Variants in SMAD2 observed in about 807,000 individuals in gnomAD.
SMAD2 encodes the protein SMAD family member 2.
In SMAD2, 8 loss-of-function variants were observed where a neutral mutation model predicts 64.4. That is an observed-to-expected ratio of 0.12 (90% CI 0.07 to 0.22). The LOEUF is 0.22. Among genes scored for constraint, SMAD2 ranks in the 10% least tolerant of loss-of-function variants. The pLI, the probability that SMAD2 is intolerant of heterozygous loss-of-function variation, is 1.00. For synonymous variants in SMAD2, 203 were observed against 195.8 expected (o/e 1.04, Z -0.31); for missense variants, 289 against 561.2 (o/e 0.51, Z 4.90).
In SMAD2 at chr18:47,823,049, G is replaced by C. The variant is rs964959158; in HGVS notation, c.*18778C>G. 6.6e-6 allele frequency: 1 copy of C among 152,096 alleles called. No homozygotes were observed. Among genetic ancestry groups the C allele is most frequent in the Non-Finnish European group, 1.5e-5 (1 of 68,022 alleles). 9.4% of individuals were successfully genotyped at this position (152,096 alleles called of 1,614,324 possible). On this transcript the variant is annotated 3_prime_UTR_variant, in exon 11 of 11. Transcript: ENST00000262160. ...CTAAGTTCAATAAAAATCGGCTCTC[G>C]TTATAACAGGATACAATTGGAAACA...
Position 47,845,384 on chromosome 18 carries a change from G to A in SMAD2, c.1236C>T (p.Cys412=), listed in dbSNP as rs1598746349. Residue 412 remains cysteine (C), a synonymous_variant, in exon 10 of 11, where the codon TGC becomes TGT. Coordinates refer to ENST00000262160, the MANE Select transcript of SMAD2 (RefSeq NM_005901.6). ...FEAVYQLTRM[C]TIRMSFVKGW... The stretch of plus-strand genomic sequence containing the variant: ...CTTTCACAAAACTCATTCTTATGGT[G>A]CACATTCTAGTTAGCTGATAGACGG... 3.7e-6 allele frequency: 6 copies of A among 1,613,678 alleles called. No individual in the cohort carries two copies. The highest frequency in any genetic ancestry group is 1.1e-5 in the South Asian group (1 of 91,074).
intron 2 of SMAD2, among the ~76,000 whole-genome samples, chr18:47,878,818 C>T (rs567780246): frequency 6.6e-6 from 1 of 152,192 alleles, no homozygotes; most frequent in Admixed American, 6.5e-5. Context: ...AAGCACCCTA[C>T]ACATTGATCA....
In SMAD2 at chr18:47,814,362, A is replaced by T. The variant is rs193107667; in HGVS notation, c.*27465T>A. On this transcript the variant is annotated 3_prime_UTR_variant, in exon 11 of 11. Transcript: ENST00000262160. ...GATGATAAGTAGTCTTCAAAGTCAG[A>T]CTTTACTGAGAATGAGAAGGGAGTT... The T allele has an allele frequency of 1.1e-4, 16 of 152,282 alleles. No individual in the cohort carries two copies. The highest frequency in any genetic ancestry group is 3.8e-4 in the African/African-American group (16 of 41,564). The allele number at this position is 152,282 out of a possible 1,614,324, so 9.4% of individuals were successfully genotyped here.
At chr18:47,881,777 A>T (rs541797833) in intron 2 of SMAD2, among the ~76,000 whole-genome samples, 46 of 152,342 alleles carry the variant, frequency 3.0e-4, no homozygotes, top group South Asian at 6.2e-4. Context: ...GGGAATGCTT[A>T]TCATGAATGG....
In SMAD2 at chr18:47,870,685, T is replaced by G. The variant is rs889954147; in HGVS notation, c.237-121A>C. On this transcript the variant is annotated intron_variant, in intron 2 of 10. Coordinates refer to ENST00000262160, the MANE Select transcript of SMAD2 (RefSeq NM_005901.6). Reference sequence around the variant, plus strand: ...TTCCTTCACCCAGAAAATATACAATTGCTTCACTTTTTCACAGGCATGTAG... The same window carrying G: ...TTCCTTCACCCAGAAAATATACAATGGCTTCACTTTTTCACAGGCATGTAG... 6.5e-6 allele frequency: 5 copies of G among 768,744 alleles called. No homozygotes were observed. In the African/African-American group the frequency reaches 8.6e-5, roughly 13 times the overall value. The allele number at this position is 768,744 out of a possible 1,614,324, so 47.6% of individuals were successfully genotyped here. A position where few individuals can be genotyped will look rare whatever the true frequency, so the allele number is the denominator to read the frequency against.
intron 1 of SMAD2, among the ~76,000 whole-genome samples, chr18:47,909,899 A>C (rs368509661): frequency 1.3e-5 from 2 of 152,140 alleles, no homozygotes; most frequent in African/African-American, 2.4e-5. Context: ...ACATCTCTAA[A>C]TCAGGGAGTC....
intron 2 of SMAD2, among the ~76,000 whole-genome samples, chr18:47,884,302 A>C (rs2032769210): frequency 6.6e-6 from 1 of 151,864 alleles, no homozygotes; most frequent in South Asian, 2.1e-4. Context: ...TACACATATT[A>C]AACCGCTTAA....
rs1408567619 is a variant in SMAD2 at position 47,820,194 on chromosome 18, G to A, written c.*21633C>T. 1 of 151,706 alleles carries A rather than the reference G, an allele frequency of 6.6e-6. No homozygotes were observed. The highest frequency in any genetic ancestry group is 6.6e-5 in the Admixed American group (1 of 15,240). 9.4% of individuals were successfully genotyped at this position (151,706 alleles called of 1,614,324 possible). A position where few individuals can be genotyped will look rare whatever the true frequency, so the allele number is the denominator to read the frequency against. On this transcript the variant is annotated 3_prime_UTR_variant, in exon 11 of 11. Transcript: ENST00000262160. ...ATTATAGAAAGACTAAATATATTTG[G>A]GCCTATTAATATACAAAGTTATAAG...
At chr18:47,905,000 T>C (rs1393370724) in intron 1 of SMAD2, among the ~76,000 whole-genome samples, 1 of 152,158 alleles carries the variant, frequency 6.6e-6, no homozygotes, top group Admixed American at 6.5e-5. Context: ...CAGTAATGCA[T>C]TGGATATTGT....
intron 2 of SMAD2, among the ~76,000 whole-genome samples, chr18:47,875,298 TA>T (rs1468410604): frequency 3.3e-5 from 5 of 152,146 alleles, no homozygotes; most frequent in African/African-American, 1.2e-4. Context: ...AGATTCTGTC[TA>T]ACCACAATGT....
chr18:47,886,035 TAA>T (rs1409689800), intron 2 of SMAD2, among the ~76,000 whole-genome samples: 1 of 152,242 alleles, frequency 6.6e-6, no homozygotes, highest in Non-Finnish European at 1.5e-5. Context: ...CCATTTTATA[TAA>T]GAGACTTGAG....
chr18:47,847,929 G>A (rs1359959621), intron 8 of SMAD2, among the ~76,000 whole-genome samples: 1 of 152,162 alleles, frequency 6.6e-6, no homozygotes, highest in Non-Finnish European at 1.5e-5. Flanking sequence ...AGCTGAAAGG[G>A]TTTCTGGGAC....
rs188632488 is a variant in SMAD2 at position 47,832,424 on chromosome 18, G to C, written c.*9403C>G. On this transcript the variant is annotated 3_prime_UTR_variant, in exon 11 of 11. Transcript: ENST00000262160. ...TCTTGGGTTTCTTCCTAATAAAAAA[G>C]TGTTGATAAAACTACACCAGTCCCA... The C allele has an allele frequency of 6.6e-6, 1 of 152,256 alleles. No homozygotes were observed. The highest frequency in any genetic ancestry group is 6.5e-5 in the Admixed American group (1 of 15,288). The allele number at this position is 152,256 out of a possible 1,614,324, so 9.4% of individuals were successfully genotyped here. A position where few individuals can be genotyped will look rare whatever the true frequency, so the allele number is the denominator to read the frequency against.
At position 47,831,360 on chromosome 18, in the gene SMAD2, C is replaced by T. The variant is rs1042797518; in HGVS notation, c.*10467G>A. ...TCTCCAAATTGAATGTATTCTTCAA[C>T]CCTGGGCTTACTGTATTCTGCCCAT... On this transcript the variant is annotated 3_prime_UTR_variant, in exon 11 of 11. Transcript: ENST00000262160. 1 of 152,222 alleles carries T rather than the reference C, an allele frequency of 6.6e-6. No individual in the cohort carries two copies. Among genetic ancestry groups the T allele is most frequent in the Non-Finnish European group, 1.5e-5 (1 of 68,048 alleles). 9.4% of individuals were successfully genotyped at this position (152,222 alleles called of 1,614,324 possible). A position where few individuals can be genotyped will look rare whatever the true frequency, so the allele number is the denominator to read the frequency against.
intron 6 of SMAD2, among the ~76,000 whole-genome samples, chr18:47,851,817 C>G (rs892671062): frequency 6.6e-6 from 1 of 152,146 alleles, no homozygotes; most frequent in South Asian, 2.1e-4. Flanking sequence ...CAATCTTTTG[C>G]TATAAGAACC....
intron 1 of SMAD2, among the ~76,000 whole-genome samples, chr18:47,915,758 C>A (rs12604337): frequency 0.56 from 84,491 of 151,676 alleles, 23,893 homozygotes; most frequent in East Asian, 0.8. Context: ...CCACAATCCC[C>A]AAAAAAACAA....
intron 1 of SMAD2, among the ~76,000 whole-genome samples, chr18:47,901,605 A>G (rs1043322228): frequency 6.6e-6 from 1 of 152,068 alleles, no homozygotes; most frequent in Admixed American, 6.6e-5. Context: ...GTTACCCTAG[A>G]TATTTTCTTA....
intron 6 of SMAD2, among the ~76,000 whole-genome samples, chr18:47,862,761 C>T (rs2031279383): frequency 6.6e-6 from 1 of 152,138 alleles, no homozygotes; most frequent in Non-Finnish European, 1.5e-5. Context: ...GTAGAAGATA[C>T]AAAACTGAAT....
Position 47,816,468 on chromosome 18 carries a change from T to C in SMAD2, c.*25359A>G, listed in dbSNP as rs1181010017. 6.6e-6 allele frequency: 1 copy of C among 152,238 alleles called. No homozygotes were observed. Among genetic ancestry groups the C allele is most frequent in the Non-Finnish European group, 1.5e-5 (1 of 68,042 alleles). 9.4% of individuals were successfully genotyped at this position (152,238 alleles called of 1,614,324 possible). ...AATAACACATATTTTAATGTAATATTGCTGACTAATTTGGCACATTTAATA... is the reference window on the plus strand; with the variant it reads ...AATAACACATATTTTAATGTAATATCGCTGACTAATTTGGCACATTTAATA... On this transcript the variant is annotated 3_prime_UTR_variant, in exon 11 of 11. Coordinates refer to ENST00000262160, the MANE Select transcript of SMAD2 (RefSeq NM_005901.6).
Sources: allele counts gnomAD v4.1 joint callset (sites outside exome capture counted in the v4.1 genomes callset), GRCh38; gene constraint gnomAD v4.1.1; transcripts MANE v1.5; gene names NCBI Gene and HGNC (gene_info 2026-07-23, HGNC 2026-07-21).